Variants in RBFOX1 observed in about 807,000 individuals in gnomAD.
The protein encoded by RBFOX1 is RNA binding protein fox-1 homolog 1.
A neutral mutation model predicts 57.7 loss-of-function variants in RBFOX1; 8 were observed. The observed-to-expected ratio is 0.14, with a 90% CI of 0.08 to 0.25. The LOEUF is 0.25. RBFOX1 is among the 10% of genes least tolerant of loss of function. The pLI is 1.00. For missense variants in RBFOX1, 611 were observed against 548.5 expected, an observed-to-expected ratio of 1.11 and a Z score of -1.14; for synonymous variants, 326 against 222.4, an observed-to-expected ratio of 1.47 and a Z score of -4.15.
At chr16:5,496,644 A>T (rs2043011980) in intron 2 of RBFOX1, among the ~76,000 whole-genome samples, 4 of 152,114 alleles carry the variant, frequency 2.6e-5, no homozygotes, top group Admixed American at 6.6e-5. Context: ...ACGCCCAATA[A>T]ACGAGGGAGA....
chr16:7,695,021 A>G (rs1034309584), intron 14 of RBFOX1, among the ~76,000 whole-genome samples: 5 of 152,312 alleles, frequency 3.3e-5, no homozygotes, highest in Admixed American at 2.0e-4. Flanking sequence ...TCCACACACA[A>G]TATTTCTAAG....
In RBFOX1 at chr16:7,029,194, ATATGTATACGTATACG is replaced by A. The variant is rs2042077606; in HGVS notation, c.-15-22859_-15-22844del. 1.7e-4 allele frequency among the ~76,000 whole-genome samples: 12 copies of A among 72,614 alleles called. 2 individuals are homozygous for A. Among genetic ancestry groups the A allele is most frequent in the African/African-American group, 4.2e-4 (10 of 23,696 alleles). 47.6% of individuals were successfully genotyped at this position (72,614 alleles called of 152,430 possible). A position where few individuals can be genotyped will look rare whatever the true frequency, so the allele number is the denominator to read the frequency against. On this transcript the variant is annotated intron_variant, in intron 3 of 15. Transcript: ENST00000550418. ...TATACGTATACGTGTATATATACAC[ATATGTATACGTATACG>A]TATATATATACACACATATATATAC...
intron 4 of RBFOX1, among the ~76,000 whole-genome samples, chr16:7,120,228 A>T (rs1442841607): frequency 6.6e-6 from 1 of 152,108 alleles, no homozygotes; most frequent in African/African-American, 2.4e-5. Context: ...CTTCTATTAG[A>T]GAATAAGAAC....
chr16:7,368,277 AAAGAG>A (rs1320270213), intron 4 of RBFOX1, among the ~76,000 whole-genome samples: 5 of 151,822 alleles, frequency 3.3e-5, no homozygotes, highest in African/African-American at 4.8e-5. Flanking sequence ...AAAAAAAAAA[AAAGAG>A]AGAGAAGAAA....
intron 3 of RBFOX1, among the ~76,000 whole-genome samples, chr16:6,700,316 C>A (rs924098272): frequency 6.6e-6 from 1 of 151,164 alleles, no homozygotes; most frequent in Non-Finnish European, 1.5e-5. Context: ...AACATGCTTA[C>A]ATAAATTTTT....
intron 3 of RBFOX1, among the ~76,000 whole-genome samples, chr16:5,812,171 T>C (rs2055456133): frequency 6.6e-6 from 1 of 152,206 alleles, no homozygotes; most frequent in African/African-American, 2.4e-5. Context: ...AGTGACTACA[T>C]TGTGTTTATC....
chr16:6,793,168 A>G (rs1490574804), intron 3 of RBFOX1, among the ~76,000 whole-genome samples: 1 of 152,202 alleles, frequency 6.6e-6, no homozygotes, highest in Non-Finnish European at 1.5e-5. Flanking sequence ...AGAAATTAAA[A>G]CAGATAATAT....
At chr16:6,711,497 T>A (rs2063707913) in intron 3 of RBFOX1, among the ~76,000 whole-genome samples, 1 of 152,142 alleles carries the variant, frequency 6.6e-6, no homozygotes, top group South Asian at 2.1e-4. Flanking sequence ...GTCATGCTGT[T>A]CTTGTGGTAG....
intron 4 of RBFOX1, among the ~76,000 whole-genome samples, chr16:7,163,987 G>A (rs2078925462): frequency 2.0e-5 from 3 of 152,072 alleles, no homozygotes; most frequent in Admixed American, 1.3e-4. Flanking sequence ...ATTTCAGCAG[G>A]TTTTTGGAGA....
intron 1 of RBFOX1, among the ~76,000 whole-genome samples, chr16:6,140,764 C>T (rs2096709521): frequency 6.6e-6 from 1 of 152,276 alleles, no homozygotes; most frequent in African/African-American, 2.4e-5. Context: ...ATCCTATAAG[C>T]AAAACATCTT....
chr16:7,338,492 C>T (rs1055970596), intron 4 of RBFOX1, among the ~76,000 whole-genome samples: 2 of 152,158 alleles, frequency 1.3e-5, no homozygotes, highest in African/African-American at 4.8e-5. Flanking sequence ...AACTCCTGGT[C>T]TCAAGTAATC....
intron 2 of RBFOX1, among the ~76,000 whole-genome samples, chr16:5,529,027 TC>T (rs2044356609): frequency 6.6e-6 from 1 of 152,038 alleles, no homozygotes; most frequent in Non-Finnish European, 1.5e-5. Context: ...ACTGGCTCTC[TC>T]CCTTCTTGGA....
intron 3 of RBFOX1, among the ~76,000 whole-genome samples, chr16:6,713,133 A>G (rs2064042450): frequency 6.6e-6 from 1 of 152,030 alleles, no homozygotes; most frequent in Admixed American, 6.6e-5. Flanking sequence ...TTCTTACAGC[A>G]GTGTGTGAGA....
chr16:7,264,927 C>T (rs566093530), intron 4 of RBFOX1, among the ~76,000 whole-genome samples: 1 of 152,174 alleles, frequency 6.6e-6, no homozygotes, highest in Admixed American at 6.5e-5. Flanking sequence ...TCCATCAGGC[C>T]AAGAGTCCAA....
At chr16:7,237,654 G>C (rs2093837617) in intron 4 of RBFOX1, among the ~76,000 whole-genome samples, 1 of 152,192 alleles carries the variant, frequency 6.6e-6, no homozygotes, top group Admixed American at 6.5e-5. Flanking sequence ...TCCATGCACA[G>C]ACAAGGGAAT....
At chr16:6,299,581 C>G (rs752342680) in intron 1 of RBFOX1, among the ~76,000 whole-genome samples, 1 of 152,238 alleles carries the variant, frequency 6.6e-6, no homozygotes, top group Non-Finnish European at 1.5e-5. Context: ...CATCGTCACT[C>G]TCACATCCAG....
chr16:6,582,930 C>T (rs1396109587), intron 2 of RBFOX1, among the ~76,000 whole-genome samples: 1 of 151,402 alleles, frequency 6.6e-6, no homozygotes, highest in Non-Finnish European at 1.5e-5. Flanking sequence ...TTTTTCTCCC[C>T]TCCCCTCCCC....
chr16:6,884,620 C>T (rs564694574), intron 3 of RBFOX1, among the ~76,000 whole-genome samples: 1 of 152,182 alleles, frequency 6.6e-6, no homozygotes, highest in East Asian at 1.9e-4. Flanking sequence ...CTAAATTGGC[C>T]AGGTGTGGTG....
rs1163128197 is a variant in RBFOX1, at chr16:7,117,748, C to T, written c.27+65650C>T. Among the ~76,000 whole-genome samples, 3 of 152,290 alleles carry T rather than the reference C, an allele frequency of 2.0e-5. No homozygotes were observed. The East Asian group carries it at 5.8e-4, about 29-fold the overall frequency. ...TTTGAGCATGGCTTAGCTGGGTTCT[C>T]TGCTTAAAATCTAATAGACTGCAGT... On this transcript the variant is annotated intron_variant, in intron 4 of 15. Transcript: ENST00000550418.
Sources: allele counts gnomAD v4.1 joint callset (sites outside exome capture counted in the v4.1 genomes callset), GRCh38; gene constraint gnomAD v4.1.1; transcripts MANE v1.5; gene names NCBI Gene and HGNC (gene_info 2026-07-23, HGNC 2026-07-21).